DLC1: variants seen among roughly 807,000 people sequenced by gnomAD.
DLC1 encodes DLC1 Rho GTPase activating protein, also known as rho GTPase-activating protein 7.
DLC1 carries 54 observed loss-of-function variants against 140.3 expected under a neutral mutation model. That is an observed-to-expected ratio of 0.38 (90% CI 0.31 to 0.48). The LOEUF is 0.48. DLC1 is among the 20% of genes least tolerant of loss of function. The probability of loss-of-function intolerance (pLI) is 0.96; values close to 1 mark genes in which losing one functional copy is unlikely to be tolerated. For missense variants in DLC1, 2,536 were observed against 1,907.0 expected (o/e 1.33, Z -6.14); for synonymous variants, 986 against 728.1 (o/e 1.35, Z -5.70).
At chr8:13,584,084 T>C in intron 1 of DLC1, 1 of 152,800 alleles carries the variant, frequency 6.5e-6, no homozygotes, top group Non-Finnish European at 1.5e-5. Flanking sequence ...GATAAGCAGG[T>C]GTCTTGCTTC....
At chr8:13,346,480 G>A (rs1030419235) in intron 4 of DLC1, among the ~76,000 whole-genome samples, 5 of 152,152 alleles carry the variant, frequency 3.3e-5, no homozygotes, top group East Asian at 1.9e-4. Flanking sequence ...TCTCACAGAC[G>A]GCAAAAACTA....
chr8:13,484,636 C>A (rs1800882294), intron 2 of DLC1, among the ~76,000 whole-genome samples: 1 of 151,964 alleles, frequency 6.6e-6, no homozygotes, highest in Admixed American at 6.6e-5. Flanking sequence ...GTTTAGTTTT[C>A]TTGGTTTCAT....
intron 4 of DLC1, among the ~76,000 whole-genome samples, chr8:13,368,977 C>T (rs1280176003): frequency 6.6e-6 from 1 of 152,134 alleles, no homozygotes; most frequent in Admixed American, 6.5e-5. Context: ...GTGCTCACCA[C>T]CATGCCTGGC....
chr8:13,114,547 T>C (rs1391454810), intron 6 of DLC1, among the ~76,000 whole-genome samples: 9 of 151,844 alleles, frequency 5.9e-5, no homozygotes, highest in African/African-American at 9.7e-5. Flanking sequence ...ACCATTTTTC[T>C]CAATTGAAAA....
At chr8:13,211,810 A>G (rs1827957656) in intron 5 of DLC1, among the ~76,000 whole-genome samples, 1 of 152,222 alleles carries the variant, frequency 6.6e-6, no homozygotes, top group Non-Finnish European at 1.5e-5. Flanking sequence ...GCTGGAATTG[A>G]AAAGAAAACA....
At chr8:13,267,806 T>TAAAG (rs981353510) in intron 5 of DLC1, among the ~76,000 whole-genome samples, 4 of 149,676 alleles carry the variant, frequency 2.7e-5, no homozygotes, top group African/African-American at 9.8e-5. Context: ...CCTGAGCACA[T>TAAAG]AAAGAAAGAA....
intron 5 of DLC1, among the ~76,000 whole-genome samples, chr8:13,239,698 C>T (rs1829459627): frequency 6.6e-6 from 1 of 152,194 alleles, no homozygotes; most frequent in African/African-American, 2.4e-5. Flanking sequence ...GATATGTAAT[C>T]TCAGGCCTGG....
At chr8:13,383,710 G>T (rs1238927320) in intron 4 of DLC1, among the ~76,000 whole-genome samples, 2 of 152,190 alleles carry the variant, frequency 1.3e-5, no homozygotes, top group Non-Finnish European at 2.9e-5. Context: ...TCTTTCACTT[G>T]CATCGGTGGA....
intron 1 of DLC1, among the ~76,000 whole-genome samples, chr8:13,539,868 C>G (rs1585255093): frequency 6.6e-6 from 1 of 151,988 alleles, no homozygotes; most frequent in Non-Finnish European, 1.5e-5. Context: ...AGAAGAAACA[C>G]TCCAGGAAGT....
chr8:13,432,396 G>A (rs987885392), intron 2 of DLC1, among the ~76,000 whole-genome samples: 5 of 152,172 alleles, frequency 3.3e-5, no homozygotes, highest in African/African-American at 4.8e-5. Context: ...ATCATTAAGC[G>A]CTAAATGATA....
chr8:13,086,591 G>C (rs1817587885), intron 16 of DLC1, 128 bp from the exon 17 acceptor site: 1 of 1,033,030 alleles, frequency 9.7e-7, no homozygotes, highest in South Asian at 1.6e-5. Context: ...GTGTGACCCA[G>C]GCCTAGGTAA....
chr8:13,258,783 G>T (rs1830361322), intron 5 of DLC1, among the ~76,000 whole-genome samples: 1 of 152,066 alleles, frequency 6.6e-6, no homozygotes, highest in Non-Finnish European at 1.5e-5. Flanking sequence ...TCTCATATGG[G>T]TGGGAGACTG....
At chr8:13,221,071 T>A (rs1178428473) in intron 5 of DLC1, among the ~76,000 whole-genome samples, 2 of 152,176 alleles carry the variant, frequency 1.3e-5, no homozygotes, top group Non-Finnish European at 2.9e-5. Flanking sequence ...ATAAAGGGAA[T>A]ATCTTTTGAG....
intron 5 of DLC1, among the ~76,000 whole-genome samples, chr8:13,120,337 C>G (rs1402727977): frequency 7.5e-5 from 1 of 13,344 alleles, no homozygotes; most frequent in Non-Finnish European, 2.9e-4. Context: ...AAAGAGACTC[C>G]GTCGCAAAAA....
In DLC1 at chr8:13,213,470, G is replaced by C. The variant is rs565457962; in HGVS notation, c.1348+91799C>G. On this transcript the variant is annotated intron_variant, in intron 5 of 17. Transcript: ENST00000276297. ...CCCATAAATTACAGAATCTTGAAAA[G>C]ATGTTAGAAAATAATTGGTTTTAAA... Among the ~76,000 whole-genome samples the C allele has an allele frequency of 7.5e-4, 114 of 152,334 alleles. 1 individual carries two copies. The highest frequency in any genetic ancestry group is 1.5e-3 in the Non-Finnish European group (102 of 68,028).
intron 2 of DLC1, among the ~76,000 whole-genome samples, chr8:13,474,249 G>A (rs1487170436): frequency 6.6e-6 from 1 of 152,186 alleles, no homozygotes; most frequent in Non-Finnish European, 1.5e-5. Context: ...GAGGGTACAA[G>A]ACCCAAGTCT....
chr8:13,586,483 G>A (rs1805316050), intron 1 of DLC1, among the ~76,000 whole-genome samples: 2 of 151,982 alleles, frequency 1.3e-5, no homozygotes, highest in Non-Finnish European at 1.5e-5. Flanking sequence ...TGTTCTCATG[G>A]GGGAGAGCAT....
chr8:13,410,317 G>A (rs563696329), intron 2 of DLC1, among the ~76,000 whole-genome samples: 1 of 152,096 alleles, frequency 6.6e-6, no homozygotes, highest in East Asian at 1.9e-4. Flanking sequence ...ATAAAACTAG[G>A]AAAAAGTAAG....
intron 5 of DLC1, among the ~76,000 whole-genome samples, chr8:13,131,550 G>C (rs1480970781): frequency 2.0e-5 from 3 of 151,628 alleles, no homozygotes; most frequent in African/African-American, 7.2e-5. Flanking sequence ...CAAGACTGGG[G>C]ATGGGAAAAG....
Sources: allele counts gnomAD v4.1 joint callset (sites outside exome capture counted in the v4.1 genomes callset), GRCh38; gene constraint gnomAD v4.1.1; transcripts MANE v1.5; gene names NCBI Gene and HGNC (gene_info 2026-07-23, HGNC 2026-07-21).